The following MMP16 variants were observed in gnomAD, a reference collection of about 807,000 sequenced individuals.
The protein encoded by MMP16 is matrix metalloproteinase-16.
A neutral mutation model predicts 67.8 loss-of-function variants in MMP16; 12 were observed. That is an observed-to-expected ratio of 0.18 (90% confidence interval 0.11 to 0.29). The LOEUF (loss-of-function observed/expected upper bound fraction) is 0.29. Ranked by LOEUF, MMP16 falls within the 10% of genes least tolerant of loss-of-function variation. The probability of loss-of-function intolerance (pLI) is 1.00; values close to 1 mark genes in which losing one functional copy is unlikely to be tolerated. For synonymous variants in MMP16, 249 were observed against 255.9 expected (o/e 0.97, Z 0.26); for missense variants, 475 against 765.7 (o/e 0.62, Z 4.48).
chr8:88,071,312 T>C (rs1808549737), intron 7 of MMP16, among the ~76,000 whole-genome samples: 1 of 152,118 alleles, frequency 6.6e-6, no homozygotes, highest in African/African-American at 2.4e-5. Context: ...CTTCAAATTC[T>C]TATGTAAAAT....
At chr8:88,239,276 C>G (rs1467362215) in intron 1 of MMP16, among the ~76,000 whole-genome samples, 1 of 103,314 alleles carries the variant, frequency 9.7e-6, no homozygotes, top group Admixed American at 1.6e-4. Context: ...GCCTGGGAGA[C>G]AGAGACAGAC....
At position 88,032,279 on chromosome 8, in the gene MMP16, C is replaced by T. The variant is rs923290234; in HGVS notation, c.*9182G>A. 2.6e-5 allele frequency: 4 copies of T among 152,140 alleles called. No individual in the cohort carries two copies. Among genetic ancestry groups the T allele is most frequent in the African/African-American group, 7.2e-5 (3 of 41,428 alleles). The allele number at this position is 152,140 out of a possible 1,614,324, so 9.4% of individuals were successfully genotyped here. A position where few individuals can be genotyped will look rare whatever the true frequency, so the allele number is the denominator to read the frequency against. On this transcript the variant is annotated 3_prime_UTR_variant, in exon 10 of 10. Coordinates refer to ENST00000286614, the MANE Select transcript of MMP16 (RefSeq NM_005941.5). The stretch of plus-strand genomic sequence containing the variant: ...CCATGCTGATGATTCTAGCTTGTGA[C>T]ATTTGTGTGGTTAAAGGTTGCCGCA...
intron 1 of MMP16, among the ~76,000 whole-genome samples, chr8:88,318,167 A>G (rs1459375728): frequency 6.6e-6 from 1 of 152,174 alleles, no homozygotes. Flanking sequence ...GTATTGTTCA[A>G]TTCTTTTAAT....
At chr8:88,109,583 G>A (rs1188387753) in intron 6 of MMP16, among the ~76,000 whole-genome samples, 1 of 151,158 alleles carries the variant, frequency 6.6e-6, no homozygotes, top group Admixed American at 6.6e-5. Flanking sequence ...GTCAACAGTG[G>A]CACATTCACA....
intron 1 of MMP16, among the ~76,000 whole-genome samples, chr8:88,299,976 A>G (rs905049679): frequency 6.6e-6 from 1 of 152,218 alleles, no homozygotes; most frequent in Non-Finnish European, 1.5e-5. Flanking sequence ...ATGCATATTC[A>G]TATTACTTAT....
At chr8:88,136,146 T>C (rs6982924) in intron 4 of MMP16, among the ~76,000 whole-genome samples, 93,923 of 151,548 alleles carry the variant, frequency 0.62, 30,072 homozygotes, top group African/African-American at 0.78. Flanking sequence ...TTTAATAAAG[T>C]AGAGGTTAAA....
At chr8:88,138,124 G>A (rs1808152783) in intron 4 of MMP16, among the ~76,000 whole-genome samples, 1 of 151,824 alleles carries the variant, frequency 6.6e-6, no homozygotes, top group Non-Finnish European at 1.5e-5. Flanking sequence ...GTTTCTTTTG[G>A]ATGTCTGGCA....
intron 6 of MMP16, among the ~76,000 whole-genome samples, chr8:88,104,356 A>T (rs1386436598): frequency 6.6e-6 from 1 of 151,688 alleles, no homozygotes; most frequent in Non-Finnish European, 1.5e-5. Flanking sequence ...TAATGTTTCA[A>T]ATGATTTTCA....
At chr8:88,193,024 T>C (rs1809194686) in intron 2 of MMP16, among the ~76,000 whole-genome samples, 1 of 152,018 alleles carries the variant, frequency 6.6e-6, no homozygotes, top group Non-Finnish European at 1.5e-5. Context: ...AAAATAGAAC[T>C]ACCATATGAT....
intron 8 of MMP16, among the ~76,000 whole-genome samples, chr8:88,055,615 A>G (rs1017472736): frequency 2.6e-5 from 4 of 152,258 alleles, no homozygotes; most frequent in African/African-American, 7.2e-5. Context: ...AAAATATTAT[A>G]CTTCAAGCTA....
intron 1 of MMP16, among the ~76,000 whole-genome samples, chr8:88,266,647 CGTAATA>C (rs1207363417): frequency 6.6e-6 from 1 of 152,012 alleles, no homozygotes; most frequent in Non-Finnish European, 1.5e-5. Flanking sequence ...GAAATTTTCT[CGTAATA>C]GTGCAGTTCT....
In MMP16 at chr8:88,058,995, G is replaced by C. The variant is rs1808364358; in HGVS notation, c.1223-2717C>G. On this transcript the variant is annotated intron_variant, in intron 7 of 9. Coordinates refer to ENST00000286614, the MANE Select transcript of MMP16 (RefSeq NM_005941.5). This position sits in a 1 kb window ranked among gnomAD's most constrained non-coding sequence, Gnocchi z 4.2. ...AAGAATGATCTTCAAGTTCTGGCTT[G>C]TGTAGATAAGTGAATAACAGTGTTA... 6.6e-6 allele frequency among the ~76,000 whole-genome samples: 1 copy of C among 152,082 alleles called. No individual in the cohort carries two copies. The highest frequency in any genetic ancestry group is 1.5e-5 in the Non-Finnish European group (1 of 67,998).
At chr8:88,054,507 T>A (rs1808308118) in intron 8 of MMP16, among the ~76,000 whole-genome samples, 1 of 152,082 alleles carries the variant, frequency 6.6e-6, no homozygotes, top group African/African-American at 2.4e-5. Flanking sequence ...CTGTTGAGAG[T>A]CATTACACTT....
In MMP16 at chr8:88,036,673, A is replaced by T. The variant is rs1285072987; in HGVS notation, c.*4788T>A. On this transcript the variant is annotated 3_prime_UTR_variant, in exon 10 of 10. Transcript: ENST00000286614. Reference sequence around the variant, plus strand: ...TACAGCCGAATGATTAGATCCTCTTATATGATTGACTTGACACATTTTGTG... The same window carrying T: ...TACAGCCGAATGATTAGATCCTCTTTTATGATTGACTTGACACATTTTGTG... 1 of 151,810 alleles carries T rather than the reference A, an allele frequency of 6.6e-6. No homozygotes were observed. The highest frequency in any genetic ancestry group is 1.5e-5 in the Non-Finnish European group (1 of 67,820). 9.4% of individuals were successfully genotyped at this position (151,810 alleles called of 1,614,324 possible).
At position 88,037,757 on chromosome 8, in the gene MMP16, C is replaced by G. The variant is rs148707726; in HGVS notation, c.*3704G>C. On this transcript the variant is annotated 3_prime_UTR_variant, in exon 10 of 10. Transcript: ENST00000286614. The stretch of plus-strand genomic sequence containing the variant: ...TTCATTGCATTTGTTTAATAATACA[C>G]AGAACAACAATATTTTACTAAAATT... 1 of 151,906 alleles carries G rather than the reference C, an allele frequency of 6.6e-6. No homozygotes were observed. The highest frequency in any genetic ancestry group is 2.4e-5 in the African/African-American group (1 of 41,406). 9.4% of individuals were successfully genotyped at this position (151,906 alleles called of 1,614,324 possible).
intron 4 of MMP16, among the ~76,000 whole-genome samples, chr8:88,124,677 T>G (rs1427439078): frequency 6.6e-6 from 1 of 151,956 alleles, no homozygotes; most frequent in Non-Finnish European, 1.5e-5. Flanking sequence ...GAACTAATAA[T>G]AAACTTAATA....
chr8:88,167,811 T>G lies in MMP16; in HGVS notation c.567A>C (p.Ala189=), dbSNP rs567578872. 4.8e-4 allele frequency: 778 copies of G among 1,614,016 alleles called. 6 individuals carry two copies. The South Asian group carries it at 8.0e-3, about 17-fold the overall frequency. Residue 189 remains alanine, a synonymous_variant, in exon 4 of 10, where the codon GCA becomes GCC. Coordinates refer to ENST00000286614, the MANE Select transcript of MMP16 (RefSeq NM_005941.5). ...GAGAGCTGTCCCCATGGAAACCAGA[T>G]GCAAAAATAATGGTTATATCCACAT... is the stretch of plus-strand genomic sequence containing the variant. ...KRDVDITIIF[A]SGFHGDSSPF...
At chr8:88,275,990 G>A (rs1417642032) in intron 1 of MMP16, among the ~76,000 whole-genome samples, 1 of 152,046 alleles carries the variant, frequency 6.6e-6, no homozygotes, top group Non-Finnish European at 1.5e-5. Flanking sequence ...AGGTGTCAAA[G>A]ATATTCCTGT....
rs1808044035 is a variant in MMP16 at position 88,035,571 on chromosome 8, T to C, written c.*5890A>G. 1 of 151,998 alleles carries C rather than the reference T, an allele frequency of 6.6e-6. No homozygotes were observed. Among genetic ancestry groups the C allele is most frequent in the African/African-American group, 2.4e-5 (1 of 41,420 alleles). The allele number at this position is 151,998 out of a possible 1,614,324, so 9.4% of individuals were successfully genotyped here. A position where few individuals can be genotyped will look rare whatever the true frequency, so the allele number is the denominator to read the frequency against. The stretch of plus-strand genomic sequence containing the variant: ...CCTTATTTGCCTTAGAAAACATTAG[T>C]TATGAATGTCTGTGAAGTCTCCGTT... On this transcript the variant is annotated 3_prime_UTR_variant, in exon 10 of 10. Transcript: ENST00000286614. This position sits in a 1 kb window ranked among gnomAD's most constrained non-coding sequence, Gnocchi z 4.7.
Sources: gnomAD v4.1 joint callset for allele counts (sites outside exome capture counted in the v4.1 genomes callset) on GRCh38, gnomAD v4.1.1 for gene constraint, Gnocchi (gnomAD v3.1) non-coding constraint, MANE v1.5 for transcripts, NCBI Gene and HGNC (gene_info 2026-07-23, HGNC 2026-07-21) for gene names.